IGSF21: variants seen among roughly 807,000 people sequenced by gnomAD.
IGSF21 encodes the protein immunoglobin superfamily member 21, also known as immunoglobulin superfamily member 21.
Under a neutral mutation model 46.8 loss-of-function variants are expected in IGSF21, and 28 were observed. The observed-to-expected ratio is 0.60, with a 90% CI of 0.44 to 0.82. IGSF21 has a LOEUF of 0.82. Among genes scored for constraint, IGSF21 ranks in the 40% least tolerant of loss-of-function variants. The pLI is 0.00. For missense variants in IGSF21, 624 were observed against 665.5 expected (o/e 0.94, Z 0.69); for synonymous variants, 284 against 273.6 (o/e 1.04, Z -0.38).
chr1:18,126,095 CTG>C (rs2086272483), intron 1 of IGSF21, among the ~76,000 whole-genome samples: 1 of 152,102 alleles, frequency 6.6e-6, no homozygotes, highest in Non-Finnish European at 1.5e-5. Flanking sequence ...GGTTTTCAAA[CTG>C]TGCTCCTTTG....
intron 2 of IGSF21, 111 bp downstream of exon 2, chr1:18,228,121 T>C: frequency 5.2e-6 from 4 of 762,868 alleles, no homozygotes; most frequent in Non-Finnish European, 9.0e-6. Flanking sequence ...CCTGACCCAG[T>C]CCTGAGTTGT....
intron 1 of IGSF21, among the ~76,000 whole-genome samples, chr1:18,211,970 A>T (rs61762142): frequency 6.6e-6 from 1 of 152,160 alleles, no homozygotes; most frequent in Admixed American, 6.5e-5. Flanking sequence ...CCTGAGGCCC[A>T]TGTGGAGCAG....
intron 3 of IGSF21, among the ~76,000 whole-genome samples, chr1:18,330,383 G>A (rs1034158011): frequency 2.6e-5 from 4 of 152,158 alleles, no homozygotes; most frequent in Non-Finnish European, 2.9e-5. Context: ...GGTGTACAGC[G>A]ATCTCTGTTA....
At chr1:18,146,466 C>A (rs556236049) in intron 1 of IGSF21, among the ~76,000 whole-genome samples, 1 of 152,214 alleles carries the variant, frequency 6.6e-6, no homozygotes, top group African/African-American at 2.4e-5. Flanking sequence ...AGCCAGTGCA[C>A]CTTCTCCTGG....
intron 4 of IGSF21, among the ~76,000 whole-genome samples, chr1:18,353,941 A>G (rs2085987321): frequency 6.6e-6 from 1 of 152,248 alleles, no homozygotes; most frequent in African/African-American, 2.4e-5. Context: ...AAGGAAACAA[A>G]CAGACATTGA....
chr1:18,206,030 C>T (rs1319918504), intron 1 of IGSF21, among the ~76,000 whole-genome samples: 1 of 152,224 alleles, frequency 6.6e-6, no homozygotes, highest in Non-Finnish European at 1.5e-5. Flanking sequence ...CAAAACCCAT[C>T]CCCTCATGGG....
chr1:18,246,809 C>A (rs1391233083), intron 2 of IGSF21, among the ~76,000 whole-genome samples: 1 of 152,178 alleles, frequency 6.6e-6, no homozygotes, highest in Non-Finnish European at 1.5e-5. Context: ...AGGCTCTGCA[C>A]CCTGCCCCAG....
chr1:18,233,538 C>T (rs933796469), intron 2 of IGSF21, among the ~76,000 whole-genome samples: 1 of 152,198 alleles, frequency 6.6e-6, no homozygotes, highest in Non-Finnish European at 1.5e-5. Context: ...GGCATGAAAA[C>T]ATGTATTTTG....
chr1:18,299,036 T>C (rs2085337400), intron 3 of IGSF21, among the ~76,000 whole-genome samples: 1 of 152,208 alleles, frequency 6.6e-6, no homozygotes, highest in South Asian at 2.1e-4. Flanking sequence ...AAGATTCAGA[T>C]ATAATACAAT....
At chr1:18,110,300 G>C (rs1239320618) in intron 1 of IGSF21, 2 of 152,324 alleles carry the variant, frequency 1.3e-5, no homozygotes, top group Non-Finnish European at 1.5e-5. Flanking sequence ...GAGCACACGA[G>C]GGTGGGGTCC....
At chr1:18,149,339 T>C (rs1024768479) in intron 1 of IGSF21, among the ~76,000 whole-genome samples, 1 of 152,098 alleles carries the variant, frequency 6.6e-6, no homozygotes. Context: ...GGCAAGGGAC[T>C]GATTTAAGTG....
At chr1:18,294,245 G>A (rs2085292428) in intron 3 of IGSF21, among the ~76,000 whole-genome samples, 1 of 152,200 alleles carries the variant, frequency 6.6e-6, no homozygotes, top group South Asian at 2.1e-4. Context: ...GTTGTGAGGA[G>A]CTGATGGCGT....
chr1:18,279,657 T>G (rs1027029853), intron 2 of IGSF21, among the ~76,000 whole-genome samples: 1 of 152,234 alleles, frequency 6.6e-6, no homozygotes, highest in African/African-American at 2.4e-5. Flanking sequence ...CCCAGCTCAG[T>G]GTTCTTCCTC....
intron 1 of IGSF21, among the ~76,000 whole-genome samples, chr1:18,186,487 C>T (rs1043267531): frequency 1.3e-5 from 2 of 152,182 alleles, no homozygotes; most frequent in African/African-American, 4.8e-5. Context: ...CAGAATAGCA[C>T]TTGGAGTGAC....
chr1:18,165,505 A>G (rs561127936), intron 1 of IGSF21, among the ~76,000 whole-genome samples: 1 of 152,332 alleles, frequency 6.6e-6, no homozygotes, highest in East Asian at 1.9e-4. Context: ...ACATCCAAAC[A>G]CAGTCACATT....
At chr1:18,305,511 T>TC (rs2085414985) in intron 3 of IGSF21, among the ~76,000 whole-genome samples, 1 of 133,154 alleles carries the variant, frequency 7.5e-6, no homozygotes, top group African/African-American at 3.2e-5. Context: ...GATGGATGGA[T>TC]GAATGGATGG....
At chr1:18,203,129 G>A (rs892057048) in intron 1 of IGSF21, among the ~76,000 whole-genome samples, 4 of 152,272 alleles carry the variant, frequency 2.6e-5, no homozygotes, top group East Asian at 3.9e-4. Context: ...TTACTGAGAC[G>A]TTTTCTTATC....
intron 1 of IGSF21, among the ~76,000 whole-genome samples, chr1:18,148,619 G>T (rs949332741): frequency 1.3e-5 from 2 of 152,182 alleles, no homozygotes; most frequent in Non-Finnish European, 2.9e-5. Flanking sequence ...CAAGGCAGCA[G>T]CCAGGTCTCT....
intron 1 of IGSF21, among the ~76,000 whole-genome samples, chr1:18,119,799 C>A (rs1188621891): frequency 6.6e-6 from 1 of 151,708 alleles, no homozygotes; most frequent in East Asian, 1.9e-4. Context: ...TTCAGTCACT[C>A]TCTGTTTAAG....
Sources: gnomAD v4.1 joint callset for allele counts (sites outside exome capture counted in the v4.1 genomes callset) on GRCh38, gnomAD v4.1.1 for gene constraint, MANE v1.5 for transcripts, NCBI Gene and HGNC (gene_info 2026-07-23, HGNC 2026-07-21) for gene names.